The following NLGN4Y variants were observed in gnomAD, a reference collection of about 807,000 sequenced individuals.
The protein encoded by NLGN4Y is neuroligin-4, Y-linked.
A neutral mutation model predicts 8.4 loss-of-function variants in NLGN4Y; 4 were observed. The observed-to-expected ratio is 0.48, with a 90% CI of 0.23 to 1.09. The LOEUF (loss-of-function observed/expected upper bound fraction) is 1.09, where lower values mean the gene tolerates loss of function less well. Among genes scored for constraint, NLGN4Y ranks in the 50% least tolerant of loss-of-function variants. NLGN4Y has a pLI of 0.19. For missense variants in NLGN4Y, 90 were observed against 192.3 expected, an observed-to-expected ratio of 0.47 and a Z score of 3.15; for synonymous variants, 35 against 75.6, an observed-to-expected ratio of 0.46 and a Z score of 2.78.
intron 1 of NLGN4Y, among the ~76,000 whole-genome samples, chrY:14,563,184 C>T: frequency 3.0e-5 from 1 of 33,748 alleles, no homozygotes; most frequent in Admixed American, 2.7e-4. Context: ...GCAGGTTTTT[C>T]ATAAGTAGCT....
intron 2 of NLGN4Y, among the ~76,000 whole-genome samples, chrY:14,630,156 C>T (rs2080543680): frequency 3.0e-5 from 1 of 33,452 alleles, no homozygotes; most frequent in Non-Finnish European, 7.4e-5. Context: ...AGCAGACCTT[C>T]CAATAGAGAG....
At chrY:14,685,526 C>A in intron 2 of NLGN4Y, among the ~76,000 whole-genome samples, 1 of 32,964 alleles carries the variant, frequency 3.0e-5, no homozygotes, top group Non-Finnish European at 7.5e-5. Flanking sequence ...TGCGAAGTAC[C>A]AGACTTTCAC....
At chrY:14,815,024 G>C in intron 4 of NLGN4Y, among the ~76,000 whole-genome samples, 3 of 32,909 alleles carry the variant, frequency 9.1e-5, no homozygotes, top group Admixed American at 8.4e-4. Flanking sequence ...GGAAGACTAA[G>C]TTCCAGGTGC....
At chrY:14,717,250 C>A in intron 2 of NLGN4Y, among the ~76,000 whole-genome samples, 3 of 33,325 alleles carry the variant, frequency 9.0e-5, no homozygotes, top group South Asian at 6.8e-4. Flanking sequence ...AAAAATTAGC[C>A]GGTCATGGTG....
At chrY:14,598,480 G>A in intron 1 of NLGN4Y, among the ~76,000 whole-genome samples, 1 of 33,486 alleles carries the variant, frequency 3.0e-5, no homozygotes, top group Non-Finnish European at 7.5e-5. Context: ...AGGGCTGGCC[G>A]GCTGCTCCGA....
At chrY:14,807,013 C>CT (rs2043060056) in intron 4 of NLGN4Y, among the ~76,000 whole-genome samples, 1 of 32,946 alleles carries the variant, frequency 3.0e-5, no homozygotes, top group Non-Finnish European at 7.5e-5. Context: ...AGGTAGCCAT[C>CT]TTCAAAAAGA....
chrY:14,562,838 C>T (rs2080236616), intron 1 of NLGN4Y, among the ~76,000 whole-genome samples: 1 of 33,374 alleles, frequency 3.0e-5, no homozygotes, highest in Non-Finnish European at 7.4e-5. Flanking sequence ...CATGATTTGG[C>T]TCTCTGTTTT....
At chrY:14,693,601 T>G (rs2080818464) in intron 2 of NLGN4Y, among the ~76,000 whole-genome samples, 1 of 31,861 alleles carries the variant, frequency 3.1e-5, no homozygotes, top group African/African-American at 1.2e-4. Flanking sequence ...TTCTCTATTT[T>G]TATTTTTGTA....
intron 4 of NLGN4Y, among the ~76,000 whole-genome samples, chrY:14,756,815 A>G: frequency 4.5e-5 from 1 of 22,070 alleles, no homozygotes; most frequent in African/African-American, 1.8e-4. Flanking sequence ...TTTAATATAT[A>G]TATACTATAT....
At chrY:14,645,657 G>C (rs2080608407) in intron 2 of NLGN4Y, among the ~76,000 whole-genome samples, 1 of 33,346 alleles carries the variant, frequency 3.0e-5, no homozygotes, top group Non-Finnish European at 7.4e-5. Context: ...TTAAATTAAA[G>C]CGTGGGCAAA....
chrY:14,531,479 C>A (rs1165161686), intron 1 of NLGN4Y, among the ~76,000 whole-genome samples: 3 of 31,313 alleles, frequency 9.6e-5, no homozygotes, highest in Non-Finnish European at 2.3e-4. Context: ...TATTTATATA[C>A]AGTTTATATT....
At chrY:14,683,447 C>T in intron 2 of NLGN4Y, among the ~76,000 whole-genome samples, 2 of 33,514 alleles carry the variant, frequency 6.0e-5, no homozygotes, top group Non-Finnish European at 1.5e-4. Flanking sequence ...TAAATACCTA[C>T]GTAATTGGTT....
chrY:14,793,365 G>A, intron 4 of NLGN4Y, among the ~76,000 whole-genome samples: 1 of 33,224 alleles, frequency 3.0e-5, no homozygotes, highest in African/African-American at 1.2e-4. Flanking sequence ...GAACTTTCTT[G>A]CAAAATATCC....
chrY:14,592,467 C>T (rs2080375547), intron 1 of NLGN4Y, among the ~76,000 whole-genome samples: 3 of 32,592 alleles, frequency 9.2e-5, no homozygotes, highest in African/African-American at 3.6e-4. Flanking sequence ...AGTCCTCCAA[C>T]GGTTCGCAGG....
chrY:14,702,277 ATG>A (rs2080851781), intron 2 of NLGN4Y, among the ~76,000 whole-genome samples: 1 of 32,239 alleles, frequency 3.1e-5, no homozygotes, highest in African/African-American at 1.2e-4. Flanking sequence ...TCTTCATTTA[ATG>A]TTAGGTATAT....
intron 6 of NLGN4Y, among the ~76,000 whole-genome samples, chrY:14,835,025 C>T (rs1047313371): frequency 1.5e-4 from 5 of 33,199 alleles, no homozygotes; most frequent in Non-Finnish European, 2.2e-4. Context: ...AGACATACTT[C>T]CCCACTCTCA....
chrY:14,709,078 T>G, intron 2 of NLGN4Y, among the ~76,000 whole-genome samples: 1 of 33,316 alleles, frequency 3.0e-5, no homozygotes, highest in Non-Finnish European at 7.4e-5. Context: ...AGCTACATAG[T>G]GTCAGTGTCA....
intron 1 of NLGN4Y, among the ~76,000 whole-genome samples, chrY:14,586,024 T>C: frequency 3.0e-5 from 1 of 33,496 alleles, no homozygotes; most frequent in African/African-American, 1.2e-4. Flanking sequence ...GAAGCCCCTC[T>C]GGAGTAACTG....
intron 1 of NLGN4Y, among the ~76,000 whole-genome samples, chrY:14,607,260 T>C: frequency 6.0e-5 from 2 of 33,220 alleles, no homozygotes; most frequent in African/African-American, 1.2e-4. Flanking sequence ...TATGCAGGTT[T>C]GTTACATAGG....
Sources: allele counts gnomAD v4.1 joint callset (sites outside exome capture counted in the v4.1 genomes callset), GRCh38; gene constraint gnomAD v4.1.1; transcripts MANE v1.5; gene names NCBI Gene and HGNC (gene_info 2026-07-23, HGNC 2026-07-21).